Variants in PPM1E observed in about 807,000 individuals in gnomAD.
The protein encoded by PPM1E is protein phosphatase 1E.
A neutral mutation model predicts 65.9 loss-of-function variants in PPM1E; 20 were observed. The observed-to-expected ratio is 0.30, with a 90% CI of 0.21 to 0.44. PPM1E has a LOEUF of 0.44. PPM1E is among the 20% of genes least tolerant of loss of function. The pLI is 1.00. For synonymous variants in PPM1E, 352 were observed against 374.9 expected (o/e 0.94, Z 0.70); for missense variants, 713 against 953.1 (o/e 0.75, Z 3.32).
intron 1 of PPM1E, among the ~76,000 whole-genome samples, chr17:58,931,772 G>T (rs1416329675): frequency 6.6e-6 from 1 of 152,066 alleles, no homozygotes; most frequent in East Asian, 1.9e-4. Flanking sequence ...TAGGTAAAAA[G>T]GCAACAGATG....
intron 1 of PPM1E, among the ~76,000 whole-genome samples, chr17:58,882,187 A>G (rs1201070819): frequency 6.6e-6 from 1 of 151,930 alleles, no homozygotes; most frequent in Non-Finnish European, 1.5e-5. Flanking sequence ...AAAAAAAAGA[A>G]AAGAAAGAAG....
In PPM1E at chr17:58,772,526, C is replaced by G. The variant is rs577069368; in HGVS notation, c.464+16065C>G. 2.1e-4 allele frequency among the ~76,000 whole-genome samples: 32 copies of G among 151,102 alleles called. No homozygotes were observed. The South Asian group carries it at 6.5e-3, about 31-fold the overall frequency. On this transcript the variant is annotated intron_variant, in intron 1 of 6. Coordinates refer to ENST00000308249, the MANE Select transcript of PPM1E (RefSeq NM_014906.5). The stretch of plus-strand genomic sequence containing the variant: ...TGAGACACATTTGCCAAAGTAGTCC[C>G]TTGGATTTTGGAAGGGGACACTTAA...
intron 1 of PPM1E, among the ~76,000 whole-genome samples, chr17:58,876,769 T>C (rs550562487): frequency 6.6e-6 from 1 of 152,304 alleles, no homozygotes; most frequent in East Asian, 1.9e-4. Context: ...ACCTGTCAGT[T>C]GACAAATGTG....
intron 1 of PPM1E, among the ~76,000 whole-genome samples, chr17:58,876,139 A>G (rs1210008015): frequency 6.6e-6 from 1 of 152,148 alleles, no homozygotes; most frequent in Non-Finnish European, 1.5e-5. Flanking sequence ...AAGAACCCAA[A>G]ATGCTATTCA....
intron 1 of PPM1E, among the ~76,000 whole-genome samples, chr17:58,945,550 T>A (rs2052138224): frequency 6.6e-6 from 1 of 152,172 alleles, no homozygotes; most frequent in African/African-American, 2.4e-5. Flanking sequence ...ATTCTGACAC[T>A]AATTGCCTGG....
chr17:58,910,103 A>G (rs931573029), intron 1 of PPM1E, among the ~76,000 whole-genome samples: 3 of 151,522 alleles, frequency 2.0e-5, no homozygotes, highest in Non-Finnish European at 4.4e-5. Flanking sequence ...GGGTTTTGCC[A>G]TGTTGGCCAG....
At chr17:58,813,685 T>A (rs2050390757) in intron 1 of PPM1E, among the ~76,000 whole-genome samples, 1 of 152,220 alleles carries the variant, frequency 6.6e-6, no homozygotes. Context: ...AATATTTTAT[T>A]AAAAATTACT....
At chr17:58,966,381 CA>C in intron 3 of PPM1E, 1 of 154,044 alleles carries the variant, frequency 6.5e-6, no homozygotes. Flanking sequence ...AAAGAAAAAA[CA>C]ATTAAAAAAA....
At chr17:58,976,835 A>G (rs1234142271) in intron 6 of PPM1E, among the ~76,000 whole-genome samples, 1 of 152,144 alleles carries the variant, frequency 6.6e-6, no homozygotes, top group African/African-American at 2.4e-5. Context: ...AAGCACTAAA[A>G]CAAGATTTTT....
chr17:58,941,095 G>T (rs576051085), intron 1 of PPM1E, among the ~76,000 whole-genome samples: 1 of 152,280 alleles, frequency 6.6e-6, no homozygotes, highest in East Asian at 1.9e-4. Context: ...AAAACATTTG[G>T]AATGTGTCCA....
intron 1 of PPM1E, among the ~76,000 whole-genome samples, chr17:58,844,160 C>T (rs2050748930): frequency 6.6e-6 from 1 of 152,064 alleles, no homozygotes; most frequent in Admixed American, 6.6e-5. Context: ...TAGAGAATTT[C>T]ACTTATTACA....
intron 1 of PPM1E, among the ~76,000 whole-genome samples, chr17:58,953,536 C>T (rs1216466264): frequency 6.6e-6 from 1 of 152,164 alleles, no homozygotes; most frequent in Non-Finnish European, 1.5e-5. Context: ...CTTCCATGAC[C>T]CAAACCAGGC....
chr17:58,756,636 GCCCACGCCCGCCTCGGCC>G (rs145010411), intron 1 of PPM1E, among the ~76,000 whole-genome samples, 175 bp downstream of exon 1: 96,078 of 150,902 alleles, frequency 0.64, 30,977 homozygotes, highest in African/African-American at 0.71. Context: ...GCTGAGAGCT[GCCCACGCCCGCCTCGGCC>G]CCCACGCCCG....
intron 1 of PPM1E, among the ~76,000 whole-genome samples, chr17:58,907,113 G>A (rs1302413403): frequency 6.6e-6 from 1 of 152,096 alleles, no homozygotes; most frequent in African/African-American, 2.4e-5. Context: ...GAGCGTGGTG[G>A]CACATGCCTG....
chr17:58,805,502 G>T (rs2050296744), intron 1 of PPM1E, among the ~76,000 whole-genome samples: 1 of 152,056 alleles, frequency 6.6e-6, no homozygotes, highest in South Asian at 2.1e-4. Context: ...CATCCGCCTT[G>T]GCCTCCCAAA....
At chr17:58,793,112 C>G (rs1437704353) in intron 1 of PPM1E, among the ~76,000 whole-genome samples, 2 of 151,892 alleles carry the variant, frequency 1.3e-5, no homozygotes, top group Non-Finnish European at 2.9e-5. Context: ...CTCTGCTTTT[C>G]TTTTTTATTC....
chr17:58,910,174 G>A (rs900492986), intron 1 of PPM1E, among the ~76,000 whole-genome samples: 1 of 151,832 alleles, frequency 6.6e-6, no homozygotes, highest in Non-Finnish European at 1.5e-5. Flanking sequence ...CAGTTCTTGA[G>A]TATTCTGTTC....
chr17:58,946,235 T>C (rs2052148827), intron 1 of PPM1E, among the ~76,000 whole-genome samples: 2 of 152,124 alleles, frequency 1.3e-5, no homozygotes, highest in African/African-American at 2.4e-5. Context: ...CAGTACCCCG[T>C]CACTCAGGAA....
At chr17:58,855,647 C>T (rs559223625) in intron 1 of PPM1E, among the ~76,000 whole-genome samples, 7 of 152,098 alleles carry the variant, frequency 4.6e-5, no homozygotes, top group African/African-American at 1.2e-4. Context: ...AATTTTGCAG[C>T]GAGTTTTAGG....
Sources: allele counts gnomAD v4.1 joint callset (sites outside exome capture counted in the v4.1 genomes callset), GRCh38; gene constraint gnomAD v4.1.1; transcripts MANE v1.5; gene names NCBI Gene and HGNC (gene_info 2026-07-23, HGNC 2026-07-21).